Variants in XIRP2 observed in about 807,000 individuals in gnomAD.
XIRP2 encodes the protein xin actin-binding repeat-containing protein 2.
In XIRP2, 236 loss-of-function variants were observed where a neutral mutation model predicts 277.0. The observed-to-expected ratio is 0.85, with a 90% confidence interval of 0.77 to 0.95. The LOEUF is 0.95. XIRP2 is among the 40% of genes least tolerant of loss of function. XIRP2 has a pLI of 0.00. For synonymous variants in XIRP2, 1,490 were observed against 1,416.5 expected (o/e 1.05, Z -1.17); for missense variants, 4,640 against 4,157.5 (o/e 1.12, Z -3.19).
At chr2:167,087,351 T>A (rs986498846) in intron 2 of XIRP2, among the ~76,000 whole-genome samples, 5 of 152,018 alleles carry the variant, frequency 3.3e-5, no homozygotes, top group African/African-American at 1.2e-4. Flanking sequence ...TTCAAAGCTG[T>A]CAGACAGGGA....
At chr2:167,125,835 C>T (rs1574276639) in intron 2 of XIRP2, among the ~76,000 whole-genome samples, 1 of 152,152 alleles carries the variant, frequency 6.6e-6, no homozygotes, top group East Asian at 1.9e-4. Flanking sequence ...TGACTTAACT[C>T]AGCTGGAGAG....
Position 166,978,838 on chromosome 2 carries a change from AG to A in XIRP2, c.408+74949del, listed in dbSNP as rs149739817. 7.5e-3 allele frequency among the ~76,000 whole-genome samples: 1,145 copies of A among 152,182 alleles called. 17 individuals carry two copies. The highest frequency in any genetic ancestry group is 0.026 in the African/African-American group (1,090 of 41,520). On this transcript the variant is annotated intron_variant, in intron 2 of 10. Transcript: ENST00000409195. The stretch of plus-strand genomic sequence containing the variant: ...TCTACAAAAAATTAAAAACTAGCCA[AG>A]TGTGTTGGCAAACACCTGTAGTCCC...
At chr2:167,057,119 T>C (rs756342125) in intron 2 of XIRP2, among the ~76,000 whole-genome samples, 6 of 152,156 alleles carry the variant, frequency 3.9e-5, no homozygotes, top group Non-Finnish European at 7.3e-5. Context: ...TTATTATCTA[T>C]TACCATCATC....
chr2:167,017,518 T>C (rs1049922772), intron 2 of XIRP2, among the ~76,000 whole-genome samples: 6 of 151,970 alleles, frequency 3.9e-5, no homozygotes, highest in Admixed American at 2.0e-4. Context: ...TATGCTTTTG[T>C]AGCATCCATA....
chr2:166,941,172 C>T (rs567698769), intron 2 of XIRP2, among the ~76,000 whole-genome samples: 8 of 152,290 alleles, frequency 5.3e-5, no homozygotes, highest in South Asian at 2.1e-4. Context: ...GCCTCACTGC[C>T]GCCTTGCAGT....
intron 2 of XIRP2, among the ~76,000 whole-genome samples, chr2:167,121,082 C>T (rs1470044269): frequency 2.6e-5 from 4 of 152,088 alleles, no homozygotes; most frequent in African/African-American, 9.7e-5. Flanking sequence ...GTGTTGTGTT[C>T]ACTAAGCTGG....
At chr2:166,937,198 C>T (rs951389583) in intron 2 of XIRP2, among the ~76,000 whole-genome samples, 3 of 152,150 alleles carry the variant, frequency 2.0e-5, no homozygotes, top group Admixed American at 6.5e-5. Flanking sequence ...CCAGTTTTTT[C>T]CCATTCCGTA....
intron 3 of XIRP2, chr2:167,187,535 A>T: frequency 1.0e-6 from 1 of 985,068 alleles, no homozygotes; most frequent in Non-Finnish European, 1.2e-6. Context: ...ATAAAAGGTA[A>T]GTGTAATATA....
chr2:166,940,939 T>G (rs539613793), intron 2 of XIRP2, among the ~76,000 whole-genome samples: 1 of 152,280 alleles, frequency 6.6e-6, no homozygotes, highest in African/African-American at 2.4e-5. Context: ...GATCTCCAGC[T>G]TCGTGCTGGG....
chr2:167,051,868 A>G (rs1309973628), intron 2 of XIRP2, among the ~76,000 whole-genome samples: 1 of 152,156 alleles, frequency 6.6e-6, no homozygotes, highest in East Asian at 1.9e-4. Context: ...TTTAAGAAGC[A>G]AATGGTGACA....
intron 2 of XIRP2, among the ~76,000 whole-genome samples, chr2:167,095,892 GAGA>G (rs1354222579): frequency 5.6e-5 from 1 of 17,854 alleles, no homozygotes; most frequent in Non-Finnish European, 1.8e-4. Context: ...TTTTTTTTTT[GAGA>G]AGGAGTCTCG....
At chr2:167,197,433 A>G (rs552164544) in intron 3 of XIRP2, among the ~76,000 whole-genome samples, 1 of 152,238 alleles carries the variant, frequency 6.6e-6, no homozygotes, top group Admixed American at 6.5e-5. Flanking sequence ...ATATGTCAAT[A>G]TGTTAAACAT....
intron 2 of XIRP2, among the ~76,000 whole-genome samples, chr2:166,920,612 G>C (rs1476209766): frequency 6.6e-6 from 1 of 152,008 alleles, no homozygotes; most frequent in Non-Finnish European, 1.5e-5. Flanking sequence ...TTTTCTTACA[G>C]GTACATAAAA....
At chr2:167,010,825 T>G (rs1436633590) in intron 2 of XIRP2, among the ~76,000 whole-genome samples, 3 of 152,040 alleles carry the variant, frequency 2.0e-5, no homozygotes, top group Non-Finnish European at 2.9e-5. Context: ...TTATTCTCTT[T>G]GAAGCAATTG....
At chr2:167,183,716 T>G (rs1693081561) in intron 3 of XIRP2, among the ~76,000 whole-genome samples, 1 of 152,164 alleles carries the variant, frequency 6.6e-6, no homozygotes, top group South Asian at 2.1e-4. Context: ...TCTGCTAATT[T>G]AAGTATCTAC....
At chr2:167,142,082 T>G (rs1246733157) in intron 3 of XIRP2, among the ~76,000 whole-genome samples, 1 of 152,108 alleles carries the variant, frequency 6.6e-6, no homozygotes, top group Admixed American at 6.5e-5. Flanking sequence ...GTGGAATCAC[T>G]CCTACCCTGG....
chr2:167,100,811 T>C (rs1690466469), intron 2 of XIRP2, among the ~76,000 whole-genome samples: 1 of 152,188 alleles, frequency 6.6e-6, no homozygotes, highest in Non-Finnish European at 1.5e-5. Context: ...AGTAATTCCC[T>C]GCTCCCAATC....
chr2:166,961,066 C>T (rs559838584), intron 2 of XIRP2, among the ~76,000 whole-genome samples: 2 of 151,862 alleles, frequency 1.3e-5, no homozygotes, highest in East Asian at 3.9e-4. Context: ...CAGCCCCCCT[C>T]TCTGGGCTCT....
intron 3 of XIRP2, among the ~76,000 whole-genome samples, chr2:167,201,903 T>C (rs1361855737): frequency 3.9e-5 from 6 of 152,206 alleles, no homozygotes; most frequent in African/African-American, 1.4e-4. Flanking sequence ...TATGCAGAAA[T>C]ACTTGAAATC....
Sources: gnomAD v4.1 joint callset for allele counts (sites outside exome capture counted in the v4.1 genomes callset) on GRCh38, gnomAD v4.1.1 for gene constraint, MANE v1.5 for transcripts, NCBI Gene and HGNC (gene_info 2026-07-23, HGNC 2026-07-21) for gene names.